Variants in NELL1 observed in about 807,000 individuals in gnomAD.
The protein encoded by NELL1 is protein kinase C-binding protein NELL1.
NELL1 carries 76 observed loss-of-function variants against 107.4 expected under a neutral mutation model. The observed-to-expected ratio is 0.71, with a 90% CI of 0.59 to 0.86. NELL1 has a LOEUF of 0.86. Among genes scored for constraint, NELL1 ranks in the 40% least tolerant of loss-of-function variants. The pLI, the probability that NELL1 is intolerant of heterozygous loss-of-function variation, is 0.00. For synonymous variants in NELL1, 353 were observed against 341.2 expected, an observed-to-expected ratio of 1.03 and a Z score of -0.38; for missense variants, 1,024 against 1,005.5, an observed-to-expected ratio of 1.02 and a Z score of -0.25.
At chr11:20,810,625 C>G (rs988055596) in intron 3 of NELL1, among the ~76,000 whole-genome samples, 1 of 152,136 alleles carries the variant, frequency 6.6e-6, no homozygotes, top group African/African-American at 2.4e-5. Context: ...GATTGATGGG[C>G]ATTTGGGTTG....
intron 12 of NELL1, among the ~76,000 whole-genome samples, chr11:21,099,228 C>A (rs371992431): frequency 0.16 from 22,869 of 139,346 alleles, 1,912 homozygotes; most frequent in Middle Eastern, 0.27. Flanking sequence ...CACACACACA[C>A]ACACAAACAC....
intron 14 of NELL1, among the ~76,000 whole-genome samples, chr11:21,363,216 T>A (rs1462243774): frequency 6.6e-6 from 1 of 152,208 alleles, no homozygotes; most frequent in Non-Finnish European, 1.5e-5. Flanking sequence ...CGAGGTCCCC[T>A]GTGAGATATA....
intron 3 of NELL1, among the ~76,000 whole-genome samples, chr11:20,837,299 A>G (rs967377068): frequency 3.9e-5 from 6 of 152,318 alleles, no homozygotes; most frequent in Middle Eastern, 3.4e-3. Flanking sequence ...AGAATTATCT[A>G]TGTGATAACA....
chr11:20,790,717 C>G (rs1857056862), intron 3 of NELL1, among the ~76,000 whole-genome samples: 2 of 151,966 alleles, frequency 1.3e-5, no homozygotes, highest in African/African-American at 4.8e-5. Context: ...CCTGCCTGCT[C>G]TACGGGGCAG....
chr11:20,747,236 T>C (rs930781076), intron 2 of NELL1, among the ~76,000 whole-genome samples: 1 of 152,220 alleles, frequency 6.6e-6, no homozygotes, highest in Non-Finnish European at 1.5e-5. Flanking sequence ...TGGTTTTGCA[T>C]GTTTGGGAAT....
chr11:20,778,341 G>A (rs1171793917), intron 2 of NELL1, among the ~76,000 whole-genome samples: 1 of 152,114 alleles, frequency 6.6e-6, no homozygotes, highest in Non-Finnish European at 1.5e-5. Context: ...CATAGGGGAA[G>A]CAAGGTATAT....
At chr11:20,768,183 G>A (rs1292955221) in intron 2 of NELL1, among the ~76,000 whole-genome samples, 1 of 152,144 alleles carries the variant, frequency 6.6e-6, no homozygotes, top group African/African-American at 2.4e-5. Context: ...TATAACAATT[G>A]TGCAAAGGAG....
intron 12 of NELL1, among the ~76,000 whole-genome samples, chr11:20,983,839 A>C (rs563063154): frequency 6.6e-6 from 1 of 152,138 alleles, no homozygotes; most frequent in Non-Finnish European, 1.5e-5. Flanking sequence ...ACAGTTTCTC[A>C]TTGCTGTAAG....
intron 15 of NELL1, among the ~76,000 whole-genome samples, chr11:21,376,524 A>C (rs1234440783): frequency 6.6e-6 from 1 of 151,898 alleles, no homozygotes; most frequent in Non-Finnish European, 1.5e-5. Context: ...TTGCTTTGCT[A>C]TGCAGTCTTT....
intron 13 of NELL1, among the ~76,000 whole-genome samples, chr11:21,220,806 C>T (rs184304793): frequency 2.0e-5 from 3 of 152,170 alleles, no homozygotes; most frequent in South Asian, 2.1e-4. Flanking sequence ...AATATTATAT[C>T]GTCTGCAAAG....
chr11:21,060,511 A>T (rs943543517), intron 12 of NELL1, among the ~76,000 whole-genome samples: 1 of 152,152 alleles, frequency 6.6e-6, no homozygotes, highest in African/African-American at 2.4e-5. Context: ...CCTAGTTCTC[A>T]TTATACTTGC....
chr11:21,475,788 G>A (rs1160501657), intron 15 of NELL1, among the ~76,000 whole-genome samples: 1 of 152,184 alleles, frequency 6.6e-6, no homozygotes, highest in African/African-American at 2.4e-5. Context: ...TGATAAGACA[G>A]CTTTTTGTAA....
intron 12 of NELL1, among the ~76,000 whole-genome samples, chr11:21,013,521 A>G (rs866938379): frequency 5.3e-5 from 8 of 152,128 alleles, no homozygotes; most frequent in South Asian, 4.1e-4. Context: ...AGCTGCCTAA[A>G]TGGACTGCTG....
intron 12 of NELL1, among the ~76,000 whole-genome samples, chr11:21,052,740 C>T (rs576851593): frequency 6.6e-6 from 1 of 152,192 alleles, no homozygotes. Context: ...CCACATCAAA[C>T]CTTGCAGTAG....
intron 13 of NELL1, among the ~76,000 whole-genome samples, chr11:21,187,565 T>C (rs1856960875): frequency 6.6e-6 from 1 of 151,850 alleles, no homozygotes; most frequent in African/African-American, 2.4e-5. Context: ...TATTTATTTT[T>C]AAATTTCATG....
intron 15 of NELL1, among the ~76,000 whole-genome samples, chr11:21,477,131 G>A (rs559361506): frequency 9.9e-5 from 15 of 152,218 alleles, no homozygotes; most frequent in South Asian, 4.1e-4. Context: ...TGGTGGCCAA[G>A]GGAGTGCTTG....
At chr11:21,171,764 A>G (rs1289832404) in intron 13 of NELL1, among the ~76,000 whole-genome samples, 2 of 151,812 alleles carry the variant, frequency 1.3e-5, no homozygotes, top group Admixed American at 1.3e-4. Flanking sequence ...ATTCAATACT[A>G]CAGTGCTCTT....
intron 14 of NELL1, among the ~76,000 whole-genome samples, chr11:21,323,977 C>T (rs1028474310): frequency 3.3e-5 from 5 of 152,136 alleles, no homozygotes; most frequent in African/African-American, 9.6e-5. Context: ...GCAACTTGCT[C>T]TTACCTCACT....
intron 14 of NELL1, among the ~76,000 whole-genome samples, chr11:21,363,189 C>G (rs953910296): frequency 5.3e-5 from 8 of 152,180 alleles, no homozygotes; most frequent in African/African-American, 1.9e-4. Flanking sequence ...TTTCCCAATT[C>G]CACTGGTTGC....
Sources: allele counts gnomAD v4.1 joint callset (sites outside exome capture counted in the v4.1 genomes callset), GRCh38; gene constraint gnomAD v4.1.1; transcripts MANE v1.5; gene names NCBI Gene and HGNC (gene_info 2026-07-23, HGNC 2026-07-21).